The following MGAT4D variants were observed in gnomAD, a reference collection of about 807,000 sequenced individuals.
MGAT4D encodes MGAT4 family member D.
MGAT4D carries 34 observed loss-of-function variants against 15.9 expected under a neutral mutation model. The observed-to-expected ratio is 2.14, with a 90% CI of 1.62 to 2.84. The LOEUF (loss-of-function observed/expected upper bound fraction) is 2.84. Ranked by LOEUF, MGAT4D falls within the 30% of genes most tolerant of loss-of-function variation. The pLI, the probability that MGAT4D is intolerant of heterozygous loss-of-function variation, is 0.00. For missense variants in MGAT4D, 327 were observed against 140.2 expected, an observed-to-expected ratio of 2.33 and a Z score of -6.73; for synonymous variants, 112 against 48.2, an observed-to-expected ratio of 2.33 and a Z score of -5.49.
intron 1 of MGAT4D, among the ~76,000 whole-genome samples, chr4:140,494,895 G>A (rs1273830737): frequency 3.3e-5 from 5 of 152,298 alleles, no homozygotes; most frequent in Middle Eastern, 3.4e-3. Flanking sequence ...TGTCAACAGC[G>A]CTAAGGTTGA....
At chr4:140,484,789 A>T (rs1732988938) in intron 1 of MGAT4D, among the ~76,000 whole-genome samples, 1 of 152,266 alleles carries the variant, frequency 6.6e-6, no homozygotes, top group Non-Finnish European at 1.5e-5. Flanking sequence ...CAGCCAACAG[A>T]CACATGAAAA....
chr4:140,497,411 T>C (rs1268865190), intron 1 of MGAT4D, among the ~76,000 whole-genome samples: 1 of 152,230 alleles, frequency 6.6e-6, no homozygotes, highest in African/African-American at 2.4e-5. Context: ...TTAGAATAAT[T>C]ATGTCCCATG....
At chr4:140,466,963 A>G (rs1481967593) in intron 5 of MGAT4D, among the ~76,000 whole-genome samples, 1 of 152,098 alleles carries the variant, frequency 6.6e-6, no homozygotes, top group Non-Finnish European at 1.5e-5. Context: ...AACTTCAAGG[A>G]AGTAATTTAT....
intron 5 of MGAT4D, among the ~76,000 whole-genome samples, chr4:140,467,042 C>T (rs1731583522): frequency 6.6e-6 from 1 of 151,972 alleles, no homozygotes; most frequent in African/African-American, 2.4e-5. Flanking sequence ...GGGGAAAGAA[C>T]TGTTCAAAAT....
At chr4:140,455,897 G>A (rs944263343) in intron 9 of MGAT4D, among the ~76,000 whole-genome samples, 9 of 152,056 alleles carry the variant, frequency 5.9e-5, no homozygotes, top group Non-Finnish European at 1.3e-4. Context: ...AACACTTTTG[G>A]AGGGCAACGT....
intron 1 of MGAT4D, among the ~76,000 whole-genome samples, chr4:140,491,908 G>C (rs908727552): frequency 2.6e-5 from 4 of 152,146 alleles, no homozygotes; most frequent in African/African-American, 9.7e-5. Flanking sequence ...AAGGAGGAGG[G>C]GGGTGCAGCA....
At chr4:140,451,994 CAAAAA>C (rs34218902) in intron 9 of MGAT4D, among the ~76,000 whole-genome samples, 3 of 144,942 alleles carry the variant, frequency 2.1e-5, no homozygotes, top group Non-Finnish European at 3.0e-5. Context: ...ATAATTTTCT[CAAAAA>C]AAAAAAAAAA....
At chr4:140,488,771 G>T (rs750174671) in intron 1 of MGAT4D, among the ~76,000 whole-genome samples, 8 of 152,168 alleles carry the variant, frequency 5.3e-5, no homozygotes, top group Non-Finnish European at 7.3e-5. Flanking sequence ...TTGAGTCATG[G>T]GGGAAGATGA....
chr4:140,486,714 C>A (rs1276039778), intron 1 of MGAT4D, among the ~76,000 whole-genome samples: 1 of 151,982 alleles, frequency 6.6e-6, no homozygotes, highest in African/African-American at 2.4e-5. Flanking sequence ...AATATATGCT[C>A]GATGAATAAA....
At chr4:140,491,328 C>T (rs1436454724) in intron 1 of MGAT4D, among the ~76,000 whole-genome samples, 3 of 152,090 alleles carry the variant, frequency 2.0e-5, no homozygotes, top group Non-Finnish European at 4.4e-5. Context: ...GTTTCCCTTC[C>T]ATCAAGGGAA....
At chr4:140,482,203 C>T (rs757182191) in intron 2 of MGAT4D, 124 bp downstream of exon 2, 5 of 469,170 alleles carry the variant, frequency 1.1e-5, no homozygotes, top group Non-Finnish European at 1.9e-5. Context: ...GATTTTTGCA[C>T]GTCTCACAAT....
At chr4:140,449,242 A>G (rs1255271234) in intron 10 of MGAT4D, among the ~76,000 whole-genome samples, 2 of 152,204 alleles carry the variant, frequency 1.3e-5, no homozygotes, top group Non-Finnish European at 2.9e-5. Context: ...AGAAATTTGT[A>G]TGTTTATCAT....
At chr4:140,474,150 C>T (rs74444330) in intron 4 of MGAT4D, among the ~76,000 whole-genome samples, 3,532 of 152,250 alleles carry the variant, frequency 0.023, 135 homozygotes, top group African/African-American at 0.081. Flanking sequence ...AATATTCACA[C>T]AGTACTATAT....
chr4:140,471,722 A>G (rs1731974422), intron 5 of MGAT4D, 53 bp downstream of exon 5: 3 of 391,156 alleles, frequency 7.7e-6, no homozygotes, highest in Non-Finnish European at 1.4e-5. Context: ...AGAAAAAATA[A>G]GATAGAAAAA....
chr4:140,448,171 TA>T (rs1730253812), intron 10 of MGAT4D, among the ~76,000 whole-genome samples: 1 of 152,162 alleles, frequency 6.6e-6, no homozygotes, highest in African/African-American at 2.4e-5. Flanking sequence ...GTAAATCGGA[TA>T]ATTATGTGTC....
At chr4:140,470,101 G>A (rs1266952592) in intron 5 of MGAT4D, among the ~76,000 whole-genome samples, 1 of 152,240 alleles carries the variant, frequency 6.6e-6, no homozygotes, top group Non-Finnish European at 1.5e-5. Flanking sequence ...TCTGATCCCC[G>A]GGTTTAATGT....
chr4:140,498,128 C>T lies in MGAT4D; in HGVS notation c.94+1G>A. 1.4e-6 allele frequency: 1 copy of T among 697,692 alleles called. No homozygotes were observed. Among genetic ancestry groups the T allele is most frequent in the Non-Finnish European group, 2.6e-6 (1 of 382,644 alleles). 43.2% of individuals were successfully genotyped at this position (697,692 alleles called of 1,614,324 possible). On this transcript the variant is annotated splice_donor_variant, in intron 1 of 10. Transcript: ENST00000511113. LOFTEE classifies it high-confidence loss of function. ...AGGCGGGAGGAGGGCCCGCCGCTTA[C>T]TGGTTTGAGTTATCCTGTAGATGGA...
At chr4:140,497,480 T>G (rs1391292997) in intron 1 of MGAT4D, among the ~76,000 whole-genome samples, 4 of 152,236 alleles carry the variant, frequency 2.6e-5, no homozygotes, top group African/African-American at 9.6e-5. Context: ...CTGGGCAACC[T>G]GTACCTTTGT....
At chr4:140,484,499 T>G (rs1477724650) in intron 1 of MGAT4D, among the ~76,000 whole-genome samples, 1 of 152,142 alleles carries the variant, frequency 6.6e-6, no homozygotes, top group Non-Finnish European at 1.5e-5. Context: ...GGGCAAGGAC[T>G]TCATGTCTAA....
Sources: allele counts gnomAD v4.1 joint callset (sites outside exome capture counted in the v4.1 genomes callset), GRCh38; gene constraint gnomAD v4.1.1; transcripts MANE v1.5; gene names NCBI Gene and HGNC (gene_info 2026-07-23, HGNC 2026-07-21).